PPARGC1A: variants seen among roughly 807,000 people sequenced by gnomAD.
PPARGC1A encodes PPARG coactivator 1 alpha, also known as peroxisome proliferator-activated receptor gamma coactivator 1-alpha.
PPARGC1A carries 25 observed loss-of-function variants against 88.7 expected under a neutral mutation model. The observed-to-expected ratio is 0.28, with a 90% CI of 0.21 to 0.39. The LOEUF (loss-of-function observed/expected upper bound fraction) is 0.39, where lower values mean the gene tolerates loss of function less well. Ranked by LOEUF, PPARGC1A falls within the 10% of genes least tolerant of loss-of-function variation. The pLI is 1.00. For synonymous variants in PPARGC1A, 363 were observed against 355.6 expected (o/e 1.02, Z -0.24); for missense variants, 880 against 968.7 (o/e 0.91, Z 1.22).
At chr4:24,319,675 T>A in the PPARGC1A span, among the ~76,000 whole-genome samples, 2 of 152,218 alleles carry the variant, frequency 1.3e-5, no homozygotes, top group African/African-American at 4.8e-5. Context: ...TACTTTTTGA[T>A]AGAATTATAT....
At chr4:23,980,287 A>G in the PPARGC1A span, among the ~76,000 whole-genome samples, 1 of 151,670 alleles carries the variant, frequency 6.6e-6, no homozygotes, top group East Asian at 1.9e-4. Flanking sequence ...AAACATCTTC[A>G]GTAGCTCCCT....
chr4:24,175,416 C>G, the PPARGC1A span, among the ~76,000 whole-genome samples: 7 of 148,802 alleles, frequency 4.7e-5, no homozygotes, highest in East Asian at 1.2e-3. Flanking sequence ...CTTTTGTCAC[C>G]CAGGCTGGAG....
At chr4:23,828,342 A>G (rs2109656720) in intron 5 of PPARGC1A, 58 bp downstream of exon 5, 3 of 1,519,110 alleles carry the variant, frequency 2.0e-6, no homozygotes, top group Non-Finnish European at 1.8e-6. Context: ...CAGACTTTGC[A>G]TGTGCTTTCT....
the PPARGC1A span, among the ~76,000 whole-genome samples, chr4:24,346,414 CT>C: frequency 6.2e-4 from 95 of 152,068 alleles, no homozygotes; most frequent in African/African-American, 2.3e-3. Flanking sequence ...TGGTCCTGGA[CT>C]TTTTTTGTTA....
At chr4:23,835,661 T>C (rs1004069543) in intron 2 of PPARGC1A, among the ~76,000 whole-genome samples, 1 of 152,186 alleles carries the variant, frequency 6.6e-6, no homozygotes, top group Non-Finnish European at 1.5e-5. Context: ...AGACCATTTA[T>C]TTTAGTAAAT....
At chr4:24,270,263 C>T in the PPARGC1A span, among the ~76,000 whole-genome samples, 2 of 152,028 alleles carry the variant, frequency 1.3e-5, no homozygotes, top group African/African-American at 4.8e-5. Flanking sequence ...TGGGACTTCT[C>T]AGCCTTGACA....
the PPARGC1A span, among the ~76,000 whole-genome samples, chr4:24,028,840 T>G: frequency 6.6e-6 from 1 of 152,212 alleles, no homozygotes; most frequent in Non-Finnish European, 1.5e-5. Context: ...AGAAAGTTAT[T>G]TTTATGTCCA....
chr4:24,154,451 A>G, the PPARGC1A span, among the ~76,000 whole-genome samples: 1 of 152,242 alleles, frequency 6.6e-6, no homozygotes, highest in Non-Finnish European at 1.5e-5. Context: ...GCAGAGCTTT[A>G]AAATTGTTGA....
the PPARGC1A span, among the ~76,000 whole-genome samples, chr4:24,226,117 A>G: frequency 6.6e-6 from 1 of 152,136 alleles, no homozygotes; most frequent in Admixed American, 6.6e-5. Flanking sequence ...TGCTAAACTA[A>G]GAACATGTGT....
At chr4:24,106,091 C>T in the PPARGC1A span, among the ~76,000 whole-genome samples, 1 of 152,168 alleles carries the variant, frequency 6.6e-6, no homozygotes, top group Admixed American at 6.5e-5. Flanking sequence ...TCAGCACTTC[C>T]ATTCGTTTCC....
At chr4:23,964,092 A>G in the PPARGC1A span, among the ~76,000 whole-genome samples, 1 of 152,204 alleles carries the variant, frequency 6.6e-6, no homozygotes, top group African/African-American at 2.4e-5. Flanking sequence ...GATTCCTTAC[A>G]ATACAAGTTC....
At chr4:23,926,831 A>G in the PPARGC1A span, among the ~76,000 whole-genome samples, 1 of 152,226 alleles carries the variant, frequency 6.6e-6, no homozygotes, top group African/African-American at 2.4e-5. Flanking sequence ...TACTGCACCC[A>G]GCACATTATA....
chr4:23,819,631 C>T (rs893562612), intron 7 of PPARGC1A, among the ~76,000 whole-genome samples: 1 of 152,044 alleles, frequency 6.6e-6, no homozygotes, highest in African/African-American at 2.4e-5. Context: ...TAGGATGGTA[C>T]CATTTCCAGA....
the PPARGC1A span, among the ~76,000 whole-genome samples, chr4:24,138,714 A>C: frequency 2.2e-3 from 339 of 152,202 alleles, 1 homozygote; most frequent in African/African-American, 7.8e-3. Flanking sequence ...CACAATGGCA[A>C]AGGCCTTTGG....
the PPARGC1A span, among the ~76,000 whole-genome samples, chr4:24,205,594 G>C: frequency 6.6e-6 from 1 of 152,238 alleles, no homozygotes; most frequent in Non-Finnish European, 1.5e-5. Context: ...ATAAGCAAAT[G>C]TTCAAAATGT....
rs558507285 is a variant in PPARGC1A, at chr4:23,808,075, C to A, written c.2019+4672G>T. Among the ~76,000 whole-genome samples the A allele has an allele frequency of 2.7e-3, 408 of 152,024 alleles. 4 individuals carry two copies. The highest frequency in any genetic ancestry group is 9.5e-3 in the African/African-American group (393 of 41,482). ...GACCAGCCTGGCCAACACGGTGAAA[C>A]CCCGTCTCTACTAAAAATACAAAAA... On this transcript the variant is annotated intron_variant, in intron 10 of 12. Coordinates refer to ENST00000264867, the MANE Select transcript of PPARGC1A (RefSeq NM_013261.5).
At chr4:24,247,686 T>G in the PPARGC1A span, among the ~76,000 whole-genome samples, 1 of 152,184 alleles carries the variant, frequency 6.6e-6, no homozygotes, top group African/African-American at 2.4e-5. Flanking sequence ...TGGGTAAGTG[T>G]ATGCAGTGTG....
the PPARGC1A span, among the ~76,000 whole-genome samples, chr4:24,415,860 C>T: frequency 4.5e-4 from 68 of 152,090 alleles, no homozygotes; most frequent in East Asian, 0.011. Flanking sequence ...GGGGATAACA[C>T]TTATACTAAG....
the PPARGC1A span, among the ~76,000 whole-genome samples, chr4:24,452,144 TG>T: frequency 1.3e-5 from 2 of 151,542 alleles, no homozygotes; most frequent in African/African-American, 4.9e-5. Flanking sequence ...AACTCTCCCC[TG>T]GATCTCCAAC....
Sources: allele counts gnomAD v4.1 joint callset (sites outside exome capture counted in the v4.1 genomes callset), GRCh38; gene constraint gnomAD v4.1.1; transcripts MANE v1.5; gene names NCBI Gene and HGNC (gene_info 2026-07-23, HGNC 2026-07-21).